Variants in ATRX observed in about 807,000 individuals in gnomAD.
The protein encoded by ATRX is ATRX chromatin remodeler, also known as chromatin remodeler ATRX.
In ATRX, 12 loss-of-function variants were observed where a neutral mutation model predicts 172.6. The ratio of observed to expected loss-of-function variants is 0.07; its 90% CI spans 0.04 to 0.11. The LOEUF (loss-of-function observed/expected upper bound fraction) is 0.11. ATRX is among the 10% of genes least tolerant of loss of function. The pLI is 1.00. For synonymous variants in ATRX, 674 were observed against 594.7 expected (o/e 1.13, Z -1.94); for missense variants, 1,368 against 1,767.4 (o/e 0.77, Z 4.05).
intron 25 of ATRX, chrX:77,596,224 T>G (rs1233658227): frequency 1.8e-5 from 2 of 111,556 alleles, no homozygotes; most frequent in Non-Finnish European, 3.8e-5. Flanking sequence ...GGTACAACAT[T>G]GTTAACCCTT....
intron 1 of ATRX, among the ~76,000 whole-genome samples, chrX:77,784,627 T>G (rs2076672354): frequency 8.9e-6 from 1 of 111,881 alleles, no homozygotes; most frequent in African/African-American, 3.2e-5. Flanking sequence ...ATTTGTTGTA[T>G]TTGAGCCTAC....
chrX:77,647,555 T>C (rs1254434868), intron 15 of ATRX, among the ~76,000 whole-genome samples: 1 of 111,788 alleles, frequency 8.9e-6, no homozygotes, highest in Non-Finnish European at 1.9e-5. Context: ...TCTCCATATA[T>C]TTACAAATTT....
chrX:77,577,472 TTG>T (rs1491364530), intron 27 of ATRX, among the ~76,000 whole-genome samples: 1 of 111,589 alleles, frequency 9.0e-6, no homozygotes, highest in Non-Finnish European at 1.9e-5. Context: ...ATTTTTGTTG[TTG>T]TGTTGTAGGA....
In ATRX at chrX:77,697,642, G is replaced by A. The variant is rs2072256900; in HGVS notation, c.190-7C>T. On this transcript the variant is annotated splice_region_variant and splice_polypyrimidine_tract_variant and intron_variant, in intron 3 of 34. Coordinates refer to ENST00000373344, the MANE Select transcript of ATRX (RefSeq NM_000489.6). Reference sequence around the variant, plus strand: ...TTTCTGAAGAGCTAGTTCCCTAGATGTGAGACATAAATATAAAAGTGAATA... The same window carrying A: ...TTTCTGAAGAGCTAGTTCCCTAGATATGAGACATAAATATAAAAGTGAATA... 1 of 1,203,724 alleles carries A rather than the reference G, an allele frequency of 8.3e-7. No homozygotes were observed. The highest frequency in any genetic ancestry group is 1.1e-6 in the Non-Finnish European group (1 of 889,428).
At chrX:77,742,925 G>A (rs1387002455) in intron 1 of ATRX, among the ~76,000 whole-genome samples, 1 of 111,625 alleles carries the variant, frequency 9.0e-6, no homozygotes, top group Middle Eastern at 4.6e-3. Flanking sequence ...AACAAGACAC[G>A]ATGCAGGATC....
intron 12 of ATRX, among the ~76,000 whole-genome samples, chrX:77,658,690 G>A (rs1473689416): frequency 8.9e-6 from 1 of 111,972 alleles, no homozygotes; most frequent in Non-Finnish European, 1.9e-5. Context: ...GAATATGGCT[G>A]TGTTTCAATA....
chrX:77,593,529 G>T (rs2066357721), intron 26 of ATRX, among the ~76,000 whole-genome samples, 167 bp downstream of exon 26: 1 of 111,890 alleles, frequency 8.9e-6, no homozygotes, highest in Admixed American at 9.5e-5. Flanking sequence ...AGAACTAGTG[G>T]CTTACAAAAA....
intron 27 of ATRX, among the ~76,000 whole-genome samples, chrX:77,583,761 C>T (rs2065912195): frequency 9.0e-6 from 1 of 111,642 alleles, no homozygotes; most frequent in Non-Finnish European, 1.9e-5. Context: ...ACTTCTATCA[C>T]TTATTCAACA....
intron 15 of ATRX, among the ~76,000 whole-genome samples, chrX:77,642,299 C>T (rs1215553666): frequency 9.0e-6 from 1 of 111,583 alleles, no homozygotes; most frequent in Non-Finnish European, 1.9e-5. Context: ...CTTCAATTTC[C>T]GAAAGCCAGA....
intron 2 of ATRX, among the ~76,000 whole-genome samples, chrX:77,710,285 C>T (rs1471117817): frequency 1.0e-5 from 1 of 100,272 alleles, no homozygotes; most frequent in East Asian, 3.1e-4. Flanking sequence ...GGTGACAAAA[C>T]AAGACTCCAT....
chrX:77,749,064 T>C (rs1186813185), intron 1 of ATRX, among the ~76,000 whole-genome samples: 1 of 111,148 alleles, frequency 9.0e-6, no homozygotes, highest in East Asian at 2.8e-4. Flanking sequence ...ACCCAAATAC[T>C]GAACAAAGTA....
At chrX:77,727,106 A>G (rs1177406833) in intron 1 of ATRX, among the ~76,000 whole-genome samples, 1 of 111,658 alleles carries the variant, frequency 9.0e-6, no homozygotes, top group Non-Finnish European at 1.9e-5. Context: ...TCATTAGAGA[A>G]ATGCAAATCA....
intron 1 of ATRX, among the ~76,000 whole-genome samples, chrX:77,737,069 G>A (rs2074603013): frequency 9.1e-6 from 1 of 110,134 alleles, no homozygotes; most frequent in Non-Finnish European, 1.9e-5. Flanking sequence ...AGTGCGAGGG[G>A]GGGCAAGATG....
chrX:77,579,361 G>C (rs1299661426), intron 27 of ATRX, among the ~76,000 whole-genome samples: 4 of 111,975 alleles, frequency 3.6e-5, no homozygotes, highest in Non-Finnish European at 5.6e-5. Context: ...GCTGGCTTAA[G>C]ATCTGACCAA....
chrX:77,771,391 T>C (rs782590856), intron 1 of ATRX, among the ~76,000 whole-genome samples: 3 of 108,288 alleles, frequency 2.8e-5, no homozygotes, highest in African/African-American at 1.0e-4. Context: ...AAAAAAAGCC[T>C]TTCTCAAACC....
chrX:77,574,767 A>C (rs2065549153), intron 27 of ATRX, among the ~76,000 whole-genome samples: 1 of 111,689 alleles, frequency 9.0e-6, no homozygotes, highest in South Asian at 3.7e-4. Context: ...ATGAGAGATA[A>C]AGAATGCCTT....
intron 33 of ATRX, 62 bp from the exon 34 acceptor site, chrX:77,520,978 T>C: frequency 9.3e-7 from 1 of 1,077,466 alleles, no homozygotes; most frequent in Non-Finnish European, 1.3e-6. Flanking sequence ...ATAATTAAGG[T>C]ATTTTAAGAT....
At chrX:77,541,594 C>A (rs782408141) in intron 30 of ATRX, among the ~76,000 whole-genome samples, 29 of 111,861 alleles carry the variant, frequency 2.6e-4, no homozygotes, top group Admixed American at 6.7e-4. Flanking sequence ...CCGAATCCAG[C>A]AGCACATCAA....
intron 13 of ATRX, among the ~76,000 whole-genome samples, chrX:77,655,351 A>G (rs1403564748): frequency 9.0e-6 from 1 of 111,391 alleles, no homozygotes; most frequent in Non-Finnish European, 1.9e-5. Context: ...TATTAAAAAT[A>G]ATCATTAAAG....
Sources: gnomAD v4.1 joint callset for allele counts (sites outside exome capture counted in the v4.1 genomes callset) on GRCh38, gnomAD v4.1.1 for gene constraint, MANE v1.5 for transcripts, NCBI Gene and HGNC (gene_info 2026-07-23, HGNC 2026-07-21) for gene names.